RGS9: variants seen among roughly 807,000 people sequenced by gnomAD.
RGS9 encodes the protein regulator of G-protein signalling 9.
A neutral mutation model predicts 102.0 loss-of-function variants in RGS9; 78 were observed. The observed-to-expected ratio is 0.76, with a 90% CI of 0.64 to 0.92. The LOEUF is 0.92. RGS9 is among the 40% of genes least tolerant of loss of function. The pLI is 0.00. For missense variants in RGS9, 833 were observed against 866.1 expected (o/e 0.96, Z 0.48); for synonymous variants, 353 against 318.6 (o/e 1.11, Z -1.15).
At chr17:65,143,297 G>A (rs1195658796) in intron 1 of RGS9, among the ~76,000 whole-genome samples, 1 of 152,148 alleles carries the variant, frequency 6.6e-6, no homozygotes, top group Non-Finnish European at 1.5e-5. Flanking sequence ...CCACTGTTGA[G>A]AGCCCTGGGC....
At chr17:65,217,411 G>A (rs897142433) in intron 17 of RGS9, among the ~76,000 whole-genome samples, 11 of 152,190 alleles carry the variant, frequency 7.2e-5, no homozygotes, top group South Asian at 2.1e-4. Flanking sequence ...CCATCCTGCC[G>A]TGCCGAATCA....
intron 13 of RGS9, among the ~76,000 whole-genome samples, chr17:65,199,027 T>G (rs1388281499): frequency 6.6e-6 from 1 of 152,180 alleles, no homozygotes; most frequent in Non-Finnish European, 1.5e-5. Flanking sequence ...GCGAAAAGAT[T>G]TCCCTGCATT....
At chr17:65,215,497 GTTCT>G (rs779043184) in intron 17 of RGS9, among the ~76,000 whole-genome samples, 10,519 of 133,480 alleles carry the variant, frequency 0.079, 348 homozygotes, top group Non-Finnish European at 0.11. Context: ...TCGTTCTTTC[GTTCT>G]TTCTTTCTTT....
Position 65,143,793 on chromosome 17 carries a change from C to CAAAAAAAA in RGS9, c.57+6209_57+6216dup, listed in dbSNP as rs61423689. Among the ~76,000 whole-genome samples, 9 of 97,072 alleles carry CAAAAAAAA rather than the reference C, an allele frequency of 9.3e-5. No homozygotes were observed. In the South Asian group the frequency reaches 3.3e-3, roughly 35 times the overall value. 63.7% of individuals were successfully genotyped at this position (97,072 alleles called of 152,430 possible). ...TGGGCGACAGAGCCAGACTCTGTCT[C>CAAAAAAAA]AAAAAAAAAAAAAAAAAAAATTAGC... On this transcript the variant is annotated intron_variant, in intron 1 of 18. Coordinates refer to ENST00000262406, the MANE Select transcript of RGS9 (RefSeq NM_003835.4).
chr17:65,210,940 T>C (rs1483993923), intron 17 of RGS9, among the ~76,000 whole-genome samples: 1 of 151,848 alleles, frequency 6.6e-6, no homozygotes, highest in Non-Finnish European at 1.5e-5. Flanking sequence ...CTTAGAGAGT[T>C]CTTAGGGGAA....
intron 8 of RGS9, among the ~76,000 whole-genome samples, 178 bp downstream of exon 8, chr17:65,168,459 T>C (rs1462001264): frequency 6.6e-6 from 1 of 151,770 alleles, no homozygotes; most frequent in African/African-American, 2.4e-5. Context: ...GGAAGTTCTC[T>C]GCCTGGATGG....
At chr17:65,216,602 A>C (rs1476246460) in intron 17 of RGS9, among the ~76,000 whole-genome samples, 2 of 152,200 alleles carry the variant, frequency 1.3e-5, no homozygotes, top group African/African-American at 4.8e-5. Flanking sequence ...GCGCCACTGC[A>C]CTTCAGCCTG....
intron 9 of RGS9, 90 bp from the exon 10 acceptor site, chr17:65,189,196 A>C: frequency 8.9e-7 from 1 of 1,125,692 alleles, no homozygotes; most frequent in East Asian, 2.3e-5. Context: ...CATTTTTCTC[A>C]TGGGGAAGGA....
intron 8 of RGS9, among the ~76,000 whole-genome samples, chr17:65,169,388 G>A (rs532459285): frequency 2.6e-5 from 4 of 152,140 alleles, no homozygotes; most frequent in African/African-American, 9.7e-5. Context: ...GTATCTGGGG[G>A]CCGGGTGACA....
rs987139520 is a variant in RGS9 at position 65,150,493 on chromosome 17, G to A, written c.58-2929G>A. On this transcript the variant is annotated intron_variant, in intron 1 of 18. Transcript: ENST00000262406. ...AAAAATTAGCTGGGCGTGGTGGCGGGCACCTGTAATCCCAGCTACTTGGGA... is the reference window on the plus strand; with the variant it reads ...AAAAATTAGCTGGGCGTGGTGGCGGACACCTGTAATCCCAGCTACTTGGGA... 3.9e-5 allele frequency among the ~76,000 whole-genome samples: 6 copies of A among 151,958 alleles called. No homozygotes were observed. The South Asian group carries it at 8.3e-4, about 21-fold the overall frequency.
Position 65,215,497 on chromosome 17 carries a change from G to GTTCTTTCGTTCTTTCTTTCT in RGS9, c.1407+4899_1407+4900insGTTCTTTCTTTCTTTCTTTC, listed in dbSNP as rs1555617643. 3.7e-5 allele frequency among the ~76,000 whole-genome samples: 5 copies of GTTCTTTCGTTCTTTCTTTCT among 133,648 alleles called. No individual in the cohort carries two copies. The East Asian group carries it at 1.1e-3, about 30-fold the overall frequency. 87.7% of individuals were successfully genotyped at this position (133,648 alleles called of 152,430 possible). ...TTCTCTATCTTTCTTTCGTTCTTTCGTTCTTTCTTTCTTTCTTTCTTTCTT... is the reference window on the plus strand; with the variant it reads ...TTCTCTATCTTTCTTTCGTTCTTTCGTTCTTTCGTTCTTTCTTTCTTTCTTTCTTTCTTTCTTTCTTTCTT... On this transcript the variant is annotated intron_variant, in intron 17 of 18. Coordinates refer to ENST00000262406, the MANE Select transcript of RGS9 (RefSeq NM_003835.4).
intron 1 of RGS9, among the ~76,000 whole-genome samples, chr17:65,146,834 G>A (rs1246541703): frequency 3.9e-5 from 6 of 152,150 alleles, no homozygotes; most frequent in Non-Finnish European, 8.8e-5. Context: ...AGGTTACAGT[G>A]AGCCAAGATC....
At position 65,225,461 on chromosome 17, in the gene RGS9, C is replaced by A. The variant is rs370466986; in HGVS notation, c.1867C>A (p.Arg623=). 49 of 1,604,476 alleles carry A rather than the reference C, an allele frequency of 3.1e-5. No individual in the cohort carries two copies. In the African/African-American group the frequency reaches 6.4e-4, roughly 21 times the overall value. Residue 623 remains arginine (R), a synonymous_variant, in exon 18 of 19, where the codon CGA becomes AGA. Coordinates refer to ENST00000262406, the MANE Select transcript of RGS9 (RefSeq NM_003835.4). Reference sequence around the variant, plus strand: ...GGGGGACGTGGGCCAGCAGCTGCCACGATTGAAATCCAAGAGAGTAGCAAA... The same window carrying A: ...GGGGGACGTGGGCCAGCAGCTGCCAAGATTGAAATCCAAGAGAGTAGCAAA... ...PLGDVGQQLP[R]LKSKRVANFF...
chr17:65,149,496 G>A (rs1374124842), intron 1 of RGS9, among the ~76,000 whole-genome samples: 1 of 152,114 alleles, frequency 6.6e-6, no homozygotes, highest in Non-Finnish European at 1.5e-5. Flanking sequence ...TCCTTGCAGT[G>A]CAGGGTTCTT....
rs773698571 is a variant in RGS9, at chr17:65,160,248, G to A, written c.221G>A (p.Gly74Asp). ...CTTTTCCCAGAGGCACAGAACTTGG[G>A]CAACTTTATTGTCAGGTATGGCTAC... ...WISSLEAQNLGNFIVRYGYIY... is the reference protein window; with the variant it reads ...WISSLEAQNLDNFIVRYGYIY... The change falls in exon 4 of 19, where the codon GGC (glycine) becomes GAC (aspartate). Residue 74 changes from glycine to aspartate, a missense_variant. Physicochemically the swap from Gly to Asp is moderately conservative, Grantham distance 94. Transcript: ENST00000262406. 6.2e-7 allele frequency: 1 copy of A among 1,614,082 alleles called. No homozygotes were observed. The highest frequency in any genetic ancestry group is 1.1e-5 in the South Asian group (1 of 91,078).
chr17:65,137,831 G>A (rs115644912), intron 1 of RGS9, among the ~76,000 whole-genome samples: 33 of 152,392 alleles, frequency 2.2e-4, no homozygotes, highest in African/African-American at 7.9e-4. Context: ...TGGTCTGCGG[G>A]AGGTGAAAAC....
intron 17 of RGS9, 27 bp downstream of exon 17, chr17:65,210,632 C>T: frequency 1.2e-6 from 2 of 1,612,636 alleles, no homozygotes; most frequent in Admixed American, 3.3e-5. Context: ...ACCGCAGGAG[C>T]CAACTCCAAA....
intron 3 of RGS9, among the ~76,000 whole-genome samples, chr17:65,159,171 C>T (rs1910884930): frequency 6.8e-6 from 1 of 147,280 alleles, no homozygotes; most frequent in Non-Finnish European, 1.5e-5. Flanking sequence ...CTCCTGCCCG[C>T]CAGAGAACAA....
intron 7 of RGS9, among the ~76,000 whole-genome samples, chr17:65,166,588 AC>A (rs1911189498): frequency 6.6e-6 from 1 of 152,220 alleles, no homozygotes; most frequent in Non-Finnish European, 1.5e-5. Context: ...AAAATCACAA[AC>A]TAAAGTAATT....
Sources: allele counts gnomAD v4.1 joint callset (sites outside exome capture counted in the v4.1 genomes callset), GRCh38; gene constraint gnomAD v4.1.1; transcripts MANE v1.5; gene names NCBI Gene and HGNC (gene_info 2026-07-23, HGNC 2026-07-21).